NFRKB: variants seen among roughly 807,000 people sequenced by gnomAD.
NFRKB encodes the protein nuclear factor related to kappa-B-binding protein.
In NFRKB, 62 loss-of-function variants were observed where a neutral mutation model predicts 135.7. That is an observed-to-expected ratio of 0.46 (90% CI 0.37 to 0.56). The LOEUF (loss-of-function observed/expected upper bound fraction) is 0.56, where lower values mean the gene tolerates loss of function less well. Ranked by LOEUF, NFRKB falls within the 20% of genes least tolerant of loss-of-function variation. The pLI, the probability that NFRKB is intolerant of heterozygous loss-of-function variation, is 0.00. For synonymous variants in NFRKB, 678 were observed against 635.6 expected (o/e 1.07, Z -1.00); for missense variants, 1,545 against 1,662.0 (o/e 0.93, Z 1.22).
chr11:129,874,941 A>G lies in NFRKB; in HGVS notation c.1855-25T>C, dbSNP rs1226481363. Reference sequence around the variant, plus strand: ...CCTACAAATCAGACAAAGGGAAATAAGAAACAAGTCAAGCTTAGATAACAG... The same window carrying G: ...CCTACAAATCAGACAAAGGGAAATAGGAAACAAGTCAAGCTTAGATAACAG... On this transcript the variant is annotated intron_variant, in intron 18 of 26. Coordinates refer to ENST00000682444, the MANE Select transcript of NFRKB (RefSeq NM_001143835.2). The surrounding 1 kb of genome is among the most constrained non-coding windows in gnomAD (Gnocchi z 4.5). 6.2e-7 allele frequency: 1 copy of G among 1,613,638 alleles called. No individual in the cohort carries two copies. Among genetic ancestry groups the G allele is most frequent in the Non-Finnish European group, 8.5e-7 (1 of 1,179,594 alleles).
intron 24 of NFRKB, among the ~76,000 whole-genome samples, chr11:129,867,546 A>G (rs548812687): frequency 1.9e-4 from 29 of 152,090 alleles, no homozygotes; most frequent in African/African-American, 6.7e-4. Context: ...CGAACTCCTG[A>G]CCTCAGGTGA....
In NFRKB at chr11:129,874,609, A is replaced by G; in HGVS notation, c.1979-29T>C. 6 of 1,612,974 alleles carry G rather than the reference A, an allele frequency of 3.7e-6. No individual in the cohort carries two copies. Among genetic ancestry groups the G allele is most frequent in the Non-Finnish European group, 5.1e-6 (6 of 1,179,578 alleles). On this transcript the variant is annotated intron_variant, in intron 19 of 26. Transcript: ENST00000682444. The surrounding 1 kb of genome is among the most constrained non-coding windows in gnomAD (Gnocchi z 4.5). ...TGAACAAGAGGGGCAAGCTTCAGCC[A>G]GAGTTTAACCTTAGCAAACTAAAAA...
intron 5 of NFRKB, among the ~76,000 whole-genome samples, chr11:129,886,071 G>A (rs181427075): frequency 2.1e-4 from 32 of 152,122 alleles, no homozygotes; most frequent in South Asian, 2.1e-4. Flanking sequence ...GTTTATCTTC[G>A]TAAACACTGA....
In NFRKB at chr11:129,865,844, G is replaced by A. The variant is rs180925780; in HGVS notation, c.3638+33C>T. 6.7e-4 allele frequency: 1,078 copies of A among 1,603,650 alleles called. 7 individuals carry two copies. The African/African-American group carries it at 0.013, about 19-fold the overall frequency. On this transcript the variant is annotated intron_variant, in intron 25 of 26. Transcript: ENST00000682444. Reference sequence around the variant, plus strand: ...AGCCCTGCCTGCCACCTCCACCCCCGAATTGGTTCCTTTACCATGACATAG... The same window carrying A: ...AGCCCTGCCTGCCACCTCCACCCCCAAATTGGTTCCTTTACCATGACATAG...
chr11:129,893,108 T>G (rs1341785912), intron 2 of NFRKB: 1 of 1,373,338 alleles, frequency 7.3e-7, no homozygotes, highest in Non-Finnish European at 9.4e-7. Context: ...ACTCCTAAAT[T>G]CATAAATTTC....
Position 129,880,424 on chromosome 11 carries a change from C to T in NFRKB, c.1384+1019G>A, listed in dbSNP as rs536709858. Among the ~76,000 whole-genome samples, 7 of 152,232 alleles carry T rather than the reference C, an allele frequency of 4.6e-5. No individual in the cohort carries two copies. The East Asian group carries it at 1.4e-3, about 30-fold the overall frequency. ...TCCTCTCTCCCTGTGTCTAAATTAC[C>T]GTCAGCTCTCACAGCCCGTGGGTTG... On this transcript the variant is annotated intron_variant, in intron 13 of 26. Coordinates refer to ENST00000682444, the MANE Select transcript of NFRKB (RefSeq NM_001143835.2).
intron 3 of NFRKB, among the ~76,000 whole-genome samples, chr11:129,890,753 T>C (rs535447772): frequency 3.3e-5 from 5 of 152,308 alleles, no homozygotes; most frequent in African/African-American, 9.6e-5. Flanking sequence ...CAATGACGCA[T>C]CTTGCCTGTG....
rs1430028707 is a variant in NFRKB, at chr11:129,865,965, T to C, written c.3550A>G (p.Ile1184Val). ...TSQAGKLPTR[I>V]TVPLSVISQP... ...CTGATCACAGAGAGGGGAACTGTGA[T>C]CCGTGTAGGCAACTTCCCCTAGAAA... The change falls in exon 25 of 27, where the codon ATC becomes GTC. Residue 1184 changes from isoleucine (I) to valine (V), a missense_variant. Around this residue, in one of 3 missense-constraint regions of NFRKB, gnomAD observed 753 missense variants for 804.3 expected, o/e 0.94. Transcript: ENST00000682444. 6.2e-7 allele frequency: 1 copy of C among 1,612,078 alleles called. No homozygotes were observed. The highest frequency in any genetic ancestry group is 8.5e-7 in the Non-Finnish European group (1 of 1,179,370).
Position 129,868,004 on chromosome 11 carries a change from A to C in NFRKB, c.3531+1490T>G, listed in dbSNP as rs1948289761. Among the ~76,000 whole-genome samples the C allele has an allele frequency of 2.6e-5, 4 of 152,136 alleles. 1 individual carries two copies. The highest frequency in any genetic ancestry group is 4.1e-4 in the South Asian group (2 of 4,836). ...AAAATATATTTCAAATGCATTAACAATTATACTTTTTTTTTTTAAAACTCA... is the reference window on the plus strand; with the variant it reads ...AAAATATATTTCAAATGCATTAACACTTATACTTTTTTTTTTTAAAACTCA... On this transcript the variant is annotated intron_variant, in intron 24 of 26. Coordinates refer to ENST00000682444, the MANE Select transcript of NFRKB (RefSeq NM_001143835.2).
Position 129,885,415 on chromosome 11 carries a change from A to T in NFRKB, c.640+20T>A. Reference sequence around the variant, plus strand: ...ATCCATCCAATACCCCAGCTACCCCAAGTGCCCGAGGACACTCACCCTCTT... The same window carrying T: ...ATCCATCCAATACCCCAGCTACCCCTAGTGCCCGAGGACACTCACCCTCTT... On this transcript the variant is annotated intron_variant, in intron 6 of 26. Coordinates refer to ENST00000682444, the MANE Select transcript of NFRKB (RefSeq NM_001143835.2). 1 of 1,587,072 alleles carries T rather than the reference A, an allele frequency of 6.3e-7. No individual in the cohort carries two copies. The highest frequency in any genetic ancestry group is 1.3e-5 in the African/African-American group (1 of 74,510).
Position 129,892,492 on chromosome 11 carries a change from T to C in NFRKB, c.135+223A>G, listed in dbSNP as rs141319523. ...CTTAAATCATGTTATCAAGTTATTCTGGCATGTTATTAAACATGCGGAACG... is the reference window on the plus strand; with the variant it reads ...CTTAAATCATGTTATCAAGTTATTCCGGCATGTTATTAAACATGCGGAACG... On this transcript the variant is annotated intron_variant, in intron 3 of 26. Transcript: ENST00000682444. Among the ~76,000 whole-genome samples, 502 of 152,326 alleles carry C rather than the reference T, an allele frequency of 3.3e-3. 5 individuals are homozygous for C. Among genetic ancestry groups the C allele is most frequent in the African/African-American group, 0.011 (476 of 41,562 alleles).
At chr11:129,893,516 C>T (rs1308754045) in intron 2 of NFRKB, 1 of 159,802 alleles carries the variant, frequency 6.3e-6, no homozygotes, top group African/African-American at 2.5e-5. Context: ...GCCGTGATCA[C>T]GCTACTGCAC....
At chr11:129,865,126 A>T in intron 25 of NFRKB, 25 bp from the exon 26 acceptor site, 1 of 1,597,634 alleles carries the variant, frequency 6.3e-7, no homozygotes, top group Non-Finnish European at 8.6e-7. Context: ...CAGGGGTGAG[A>T]TATAATGATA....
chr11:129,865,667 G>C (rs1565384066), intron 25 of NFRKB, among the ~76,000 whole-genome samples: 1 of 152,168 alleles, frequency 6.6e-6, no homozygotes. Context: ...TATGCTTGGA[G>C]AACAGCAGGG....
At chr11:129,885,192 A>G (rs1300687647) in intron 6 of NFRKB, among the ~76,000 whole-genome samples, 1 of 152,064 alleles carries the variant, frequency 6.6e-6, no homozygotes, top group Admixed American at 6.5e-5. Flanking sequence ...GCGGGCTCTC[A>G]TCTAAGCTCA....
At position 129,869,461 on chromosome 11, in the gene NFRKB, AAGAAGGCCTAAGCTT is replaced by A; in HGVS notation, c.3531+18_3531+32del. ...TGAGCCTTGATTAAGTTTTCTAAAAAAGAAGGCCTAAGCTTTACCACTAGTTACTCACAGCCTGGG... is the reference window on the plus strand; with the variant it reads ...TGAGCCTTGATTAAGTTTTCTAAAAATACCACTAGTTACTCACAGCCTGGG... On this transcript the variant is annotated intron_variant, in intron 24 of 26. Transcript: ENST00000682444. 1 of 1,538,614 alleles carries A rather than the reference AAGAAGGCCTAAGCTT, an allele frequency of 6.5e-7. No homozygotes were observed. Among genetic ancestry groups the A allele is most frequent in the Non-Finnish European group, 8.7e-7 (1 of 1,150,760 alleles).
At chr11:129,889,411 G>A (rs1269582244) in intron 3 of NFRKB, among the ~76,000 whole-genome samples, 1 of 152,036 alleles carries the variant, frequency 6.6e-6, no homozygotes, top group Non-Finnish European at 1.5e-5. Flanking sequence ...TGCCAACGAG[G>A]GTATGAGGGT....
At chr11:129,871,272 G>C (rs561100531) in intron 23 of NFRKB, among the ~76,000 whole-genome samples, 3 of 151,886 alleles carry the variant, frequency 2.0e-5, no homozygotes, top group African/African-American at 7.3e-5. Flanking sequence ...ATAATCCATG[G>C]TTAGCTGAAT....
At chr11:129,885,379 A>G in intron 6 of NFRKB, 56 bp downstream of exon 6, 2 of 1,541,338 alleles carry the variant, frequency 1.3e-6, no homozygotes, top group South Asian at 2.4e-5. Context: ...CCAACCGGAC[A>G]AGTGGCCGGT....
Sources: gnomAD v4.1 joint callset for allele counts (sites outside exome capture counted in the v4.1 genomes callset) on GRCh38, gnomAD v4.1.1 for gene constraint, gnomAD v4.1.1 regional missense constraint, Gnocchi (gnomAD v3.1) non-coding constraint, MANE v1.5 for transcripts, NCBI Gene and HGNC (gene_info 2026-07-23, HGNC 2026-07-21) for gene names.